MAP3K7: variants seen among roughly 807,000 people sequenced by gnomAD.
The protein encoded by MAP3K7 is TGF-beta activated kinase 1.
MAP3K7 carries 21 observed loss-of-function variants against 84.8 expected under a neutral mutation model. That is an observed-to-expected ratio of 0.25 (90% CI 0.18 to 0.36). The LOEUF is 0.36. Among genes scored for constraint, MAP3K7 ranks in the 10% least tolerant of loss-of-function variants. The pLI is 1.00. For synonymous variants in MAP3K7, 241 were observed against 247.7 expected (o/e 0.97, Z 0.25); for missense variants, 503 against 747.7 (o/e 0.67, Z 3.82).
intron 13 of MAP3K7, among the ~76,000 whole-genome samples, chr6:90,531,643 A>G (rs1775507925): frequency 6.6e-6 from 1 of 152,138 alleles, no homozygotes; most frequent in Non-Finnish European, 1.5e-5. Flanking sequence ...GGTCTTCTAC[A>G]ATAGAAAGGT....
intron 1 of MAP3K7, among the ~76,000 whole-genome samples, chr6:90,580,741 CAAAT>C (rs1777242180): frequency 6.6e-6 from 1 of 152,112 alleles, no homozygotes; most frequent in Non-Finnish European, 1.5e-5. Context: ...TGGTGACATA[CAAAT>C]AAATATTTCA....
intron 3 of MAP3K7, among the ~76,000 whole-genome samples, chr6:90,563,521 A>G (rs139506045): frequency 0.02 from 3,119 of 152,322 alleles, 116 homozygotes; most frequent in African/African-American, 0.071. Flanking sequence ...AGAAGTTTAG[A>G]GAAAAAAGAG....
chr6:90,516,385 T>C lies in MAP3K7; in HGVS notation c.*116A>G, dbSNP rs911479700. 6.1e-6 allele frequency: 6 copies of C among 989,210 alleles called. No individual in the cohort carries two copies. The African/African-American group carries it at 6.6e-5, about 11-fold the overall frequency. The allele number at this position is 989,210 out of a possible 1,614,324, so 61.3% of individuals were successfully genotyped here. On this transcript the variant is annotated 3_prime_UTR_variant, in exon 17 of 17. Coordinates refer to ENST00000369329, the MANE Select transcript of MAP3K7 (RefSeq NM_145331.3). The stretch of plus-strand genomic sequence containing the variant: ...AAAAAAATGCAGCAAATATAGGCAG[T>C]TGGCATTCAGAACACGCCAAAAAGC...
At chr6:90,553,620 A>T in intron 6 of MAP3K7, 34 bp from the exon 7 acceptor site, 1 of 1,568,596 alleles carries the variant, frequency 6.4e-7, no homozygotes, top group East Asian at 2.3e-5. Flanking sequence ...TAACCTAAAG[A>T]CTATTTTTCC....
chr6:90,561,804 A>AGGGG, intron 3 of MAP3K7, 137 bp from the exon 4 acceptor site: 1 of 653,576 alleles, frequency 1.5e-6, no homozygotes, highest in Non-Finnish European at 2.7e-6. Context: ...TGTGAATAGT[A>AGGGG]CTAGGGAAGG....
chr6:90,567,231 C>A (rs370460520), intron 3 of MAP3K7, among the ~76,000 whole-genome samples: 13 of 152,002 alleles, frequency 8.6e-5, no homozygotes, highest in Non-Finnish European at 1.5e-4. Flanking sequence ...ATTAAACTAA[C>A]GAGCTTCTGC....
chr6:90,581,801 T>C (rs1562114101), intron 1 of MAP3K7, among the ~76,000 whole-genome samples: 1 of 152,230 alleles, frequency 6.6e-6, no homozygotes, highest in East Asian at 1.9e-4. Flanking sequence ...CAAATCTATG[T>C]ACTCAGTTTG....
chr6:90,559,096 A>AAGGCAGGTAACTAAG (rs1776424787), intron 5 of MAP3K7, among the ~76,000 whole-genome samples: 1 of 152,248 alleles, frequency 6.6e-6, no homozygotes, highest in Non-Finnish European at 1.5e-5. Context: ...TAACTAAGAT[A>AAGGCAGGTAACTAAG]ATAGCCTCAG....
intron 1 of MAP3K7, among the ~76,000 whole-genome samples, chr6:90,576,994 TG>T (rs1777105818): frequency 6.6e-6 from 1 of 152,172 alleles, no homozygotes; most frequent in South Asian, 2.1e-4. Context: ...GGATGGTATG[TG>T]ACATTAAACA....
At chr6:90,544,921 T>C (rs978564938) in intron 11 of MAP3K7, among the ~76,000 whole-genome samples, 4 of 152,044 alleles carry the variant, frequency 2.6e-5, no homozygotes, top group African/African-American at 9.6e-5. Context: ...ATTTCAAATA[T>C]ATTCATAGAA....
At chr6:90,559,443 G>GA (rs1259746001) in intron 5 of MAP3K7, among the ~76,000 whole-genome samples, 4 of 149,068 alleles carry the variant, frequency 2.7e-5, no homozygotes, top group Admixed American at 1.3e-4. Context: ...GTGCATAAAA[G>GA]AAAAAAAAAG....
At chr6:90,583,200 T>C (rs1295974375) in intron 1 of MAP3K7, among the ~76,000 whole-genome samples, 1 of 152,182 alleles carries the variant, frequency 6.6e-6, no homozygotes, top group African/African-American at 2.4e-5. Flanking sequence ...TCTTTTATAG[T>C]ACCTCAGAGT....
chr6:90,549,054 C>T (rs1267937602), intron 9 of MAP3K7, among the ~76,000 whole-genome samples: 1 of 151,904 alleles, frequency 6.6e-6, no homozygotes, highest in Non-Finnish European at 1.5e-5. Context: ...TAGGAATGAT[C>T]CAGTAGAAAG....
chr6:90,574,809 T>A (rs1354635823), intron 1 of MAP3K7, among the ~76,000 whole-genome samples: 2 of 152,192 alleles, frequency 1.3e-5, no homozygotes, highest in Non-Finnish European at 2.9e-5. Context: ...CAAAATGTGG[T>A]CAAATGAGGA....
chr6:90,563,651 A>G (rs1223802922), intron 3 of MAP3K7, among the ~76,000 whole-genome samples: 3 of 152,252 alleles, frequency 2.0e-5, no homozygotes, highest in African/African-American at 7.2e-5. Flanking sequence ...CCTCTTCAGG[A>G]TAATCCAGGA....
At position 90,518,488 on chromosome 6, in the gene MAP3K7, A is replaced by T; in HGVS notation, c.1599T>A (p.Tyr533Ter). ...FEQHCKMAQE[Y>*]MKVQTEIALL... is the part of the protein sequence containing the mutation. The stretch of plus-strand genomic sequence containing the variant: ...ATGCAATTTCTGTTTGAACTTTCAT[A>T]TATTCTTGTGCCATTTTACAATGCT... Residue 533 changes from tyrosine (Y) to a stop codon, truncating the protein, a stop_gained, in exon 16 of 17, where the codon TAT (tyrosine) becomes TAA (stop). Coordinates refer to ENST00000369329, the MANE Select transcript of MAP3K7 (RefSeq NM_145331.3). LOFTEE classifies it high-confidence loss of function. 6.2e-7 allele frequency: 1 copy of T among 1,607,766 alleles called. No homozygotes were observed. The highest frequency in any genetic ancestry group is 8.5e-7 in the Non-Finnish European group (1 of 1,176,110).
chr6:90,571,169 T>C (rs181117115), intron 2 of MAP3K7, among the ~76,000 whole-genome samples: 1 of 152,212 alleles, frequency 6.6e-6, no homozygotes, highest in East Asian at 1.9e-4. Context: ...ATAACAAAGT[T>C]AGTAAAGGAT....
At chr6:90,543,950 C>T (rs1429532300) in intron 12 of MAP3K7, among the ~76,000 whole-genome samples, 1 of 152,120 alleles carries the variant, frequency 6.6e-6, no homozygotes, top group African/African-American at 2.4e-5. Context: ...TTATGAGATT[C>T]TCCTGATAAT....
In MAP3K7 at chr6:90,544,566, T is replaced by G. The variant is rs1775944417; in HGVS notation, c.1277A>C (p.Glu426Ala). The part of the protein sequence containing the change: ...ASFGNILDVP[E>A]IVISGNGQPR... Reference sequence around the variant, plus strand: ...GTCTATGATACCTGATATGACGATCTCAGGGACATCCAGAATGTTGCCAAA... The same window carrying G: ...GTCTATGATACCTGATATGACGATCGCAGGGACATCCAGAATGTTGCCAAA... Residue 426 changes from glutamate (E) to alanine (A), a missense_variant, in exon 12 of 17, where the codon GAG (glutamate) becomes GCG (alanine). Physicochemically the swap from Glu to Ala is moderately radical, Grantham distance 107. Transcript: ENST00000369329. 1.2e-6 allele frequency: 2 copies of G among 1,612,442 alleles called. No individual in the cohort carries two copies. The highest frequency in any genetic ancestry group is 4.5e-5 in the East Asian group (2 of 44,826).
Sources: allele counts gnomAD v4.1 joint callset (sites outside exome capture counted in the v4.1 genomes callset), GRCh38; gene constraint gnomAD v4.1.1; transcripts MANE v1.5; gene names NCBI Gene and HGNC (gene_info 2026-07-23, HGNC 2026-07-21).